The following CATSPERB variants were observed in gnomAD, a reference collection of about 807,000 sequenced individuals.
CATSPERB encodes cation channel sperm-associated auxiliary subunit beta.
CATSPERB carries 93 observed loss-of-function variants against 128.3 expected under a neutral mutation model. That is an observed-to-expected ratio of 0.72 (90% CI 0.61 to 0.86). CATSPERB has a LOEUF of 0.86. Ranked by LOEUF, CATSPERB falls within the 40% of genes least tolerant of loss-of-function variation. CATSPERB has a pLI of 0.00. For synonymous variants in CATSPERB, 381 were observed against 448.8 expected (o/e 0.85, Z 1.91); for missense variants, 1,153 against 1,329.5 (o/e 0.87, Z 2.06).
At chr14:91,617,250 T>A (rs1292204714) in intron 20 of CATSPERB, among the ~76,000 whole-genome samples, 1 of 152,218 alleles carries the variant, frequency 6.6e-6, no homozygotes, top group Non-Finnish European at 1.5e-5. Flanking sequence ...AAGATTTCAC[T>A]GTGTTTTGGT....
chr14:91,605,594 A>G (rs149160421), intron 22 of CATSPERB, among the ~76,000 whole-genome samples: 20 of 152,264 alleles, frequency 1.3e-4, no homozygotes, highest in African/African-American at 3.6e-4. Flanking sequence ...GCTGTCCCCA[A>G]ACTCTTTCGC....
chr14:91,675,044 G>A (rs1274014088), intron 11 of CATSPERB, among the ~76,000 whole-genome samples: 1 of 152,198 alleles, frequency 6.6e-6, no homozygotes, highest in East Asian at 1.9e-4. Flanking sequence ...TCTCATCCTT[G>A]TTCATTTGGC....
At position 91,683,961 on chromosome 14, in the gene CATSPERB, AT is replaced by A; in HGVS notation, c.865-19del. The A allele has an allele frequency of 1.3e-6, 2 of 1,515,992 alleles. No homozygotes were observed. Among genetic ancestry groups the A allele is most frequent in the Non-Finnish European group, 1.8e-6 (2 of 1,103,752 alleles). The allele number at this position is 1,515,992 out of a possible 1,614,324, so 93.9% of individuals were successfully genotyped here. A position where few individuals can be genotyped will look rare whatever the true frequency, so the allele number is the denominator to read the frequency against. On this transcript the variant is annotated intron_variant, in intron 10 of 26. Coordinates refer to ENST00000256343, the MANE Select transcript of CATSPERB (RefSeq NM_024764.4). ...TAGTCAACCTACATAAATAAATAAA[AT>A]ATCACTTAGCCAATATGTAGACTTA... is the stretch of plus-strand genomic sequence containing the variant.
intron 7 of CATSPERB, among the ~76,000 whole-genome samples, chr14:91,694,527 G>GA (rs1416819257): frequency 6.7e-6 from 1 of 150,338 alleles, no homozygotes. Flanking sequence ...GAGAACAGAG[G>GA]AAAATTTTTC....
intron 5 of CATSPERB, among the ~76,000 whole-genome samples, chr14:91,718,468 T>C (rs1242830174): frequency 1.3e-5 from 2 of 152,164 alleles, no homozygotes; most frequent in South Asian, 2.1e-4. Flanking sequence ...GGTTGGCCTG[T>C]ATGGTTCCCC....
At chr14:91,717,789 T>C (rs1313936822) in intron 5 of CATSPERB, among the ~76,000 whole-genome samples, 1 of 152,188 alleles carries the variant, frequency 6.6e-6, no homozygotes, top group Non-Finnish European at 1.5e-5. Flanking sequence ...GTAAATAAAG[T>C]ATGATTAAGG....
At chr14:91,672,786 G>T in intron 13 of CATSPERB, 81 bp downstream of exon 13, 1 of 1,157,362 alleles carries the variant, frequency 8.6e-7, no homozygotes, top group Non-Finnish European at 1.2e-6. Context: ...GACATAACAA[G>T]AACTTGAAAA....
At chr14:91,616,971 C>T (rs1380228313) in intron 20 of CATSPERB, among the ~76,000 whole-genome samples, 3 of 151,810 alleles carry the variant, frequency 2.0e-5, no homozygotes, top group Admixed American at 6.6e-5. Flanking sequence ...CTTGAACTGC[C>T]GACCTCAGGT....
At chr14:91,671,483 G>T (rs1419862756) in intron 13 of CATSPERB, among the ~76,000 whole-genome samples, 1 of 151,910 alleles carries the variant, frequency 6.6e-6, no homozygotes. Context: ...GCTATGGCAG[G>T]AGAATCGCTT....
intron 7 of CATSPERB, among the ~76,000 whole-genome samples, chr14:91,700,588 C>CTGGA (rs1219614795): frequency 6.6e-6 from 1 of 152,000 alleles, no homozygotes; most frequent in Non-Finnish European, 1.5e-5. Flanking sequence ...GACCTAAGTA[C>CTGGA]TCATCAATGG....
intron 15 of CATSPERB, among the ~76,000 whole-genome samples, chr14:91,649,351 G>A (rs910824811): frequency 2.0e-5 from 3 of 151,436 alleles, no homozygotes; most frequent in African/African-American, 7.3e-5. Flanking sequence ...GTGTGTGTGT[G>A]TGTGTGTGTG....
At chr14:91,686,022 C>CT (rs1158343871) in intron 10 of CATSPERB, among the ~76,000 whole-genome samples, 26 of 152,280 alleles carry the variant, frequency 1.7e-4, no homozygotes, top group African/African-American at 6.0e-4. Context: ...CTTATACTTC[C>CT]TATTACCTTT....
chr14:91,726,750 A>G (rs561687328), intron 2 of CATSPERB, among the ~76,000 whole-genome samples: 46 of 152,366 alleles, frequency 3.0e-4, no homozygotes, highest in African/African-American at 1.1e-3. Context: ...TCAAGAGCCC[A>G]GAGATCAAGG....
chr14:91,593,071 G>A (rs1274869533), intron 22 of CATSPERB, among the ~76,000 whole-genome samples: 1 of 152,210 alleles, frequency 6.6e-6, no homozygotes, highest in Non-Finnish European at 1.5e-5. Context: ...TTGAGCCTGT[G>A]GGTGCACAGA....
At chr14:91,704,850 T>C in intron 6 of CATSPERB, 149 bp from the exon 7 acceptor site, 1 of 733,288 alleles carries the variant, frequency 1.4e-6, no homozygotes, top group Non-Finnish European at 2.2e-6. Context: ...TGGTTAAAAA[T>C]CAGTCAGTGA....
At chr14:91,672,765 T>G in intron 13 of CATSPERB, 102 bp downstream of exon 13, 1 of 909,770 alleles carries the variant, frequency 1.1e-6, no homozygotes, top group Non-Finnish European at 1.6e-6. Flanking sequence ...ATTTTATAGG[T>G]TCTATTGCCA....
At chr14:91,706,648 T>C (rs978374549) in intron 6 of CATSPERB, among the ~76,000 whole-genome samples, 32 of 152,158 alleles carry the variant, frequency 2.1e-4, no homozygotes, top group African/African-American at 7.7e-4. Flanking sequence ...GGTTTTACAC[T>C]CTCTTTTGAG....
At chr14:91,598,301 T>C (rs1893544956) in intron 22 of CATSPERB, among the ~76,000 whole-genome samples, 2 of 152,026 alleles carry the variant, frequency 1.3e-5, no homozygotes, top group Non-Finnish European at 2.9e-5. Flanking sequence ...GTTCACTTTT[T>C]TTTTAAAAGG....
intron 17 of CATSPERB, among the ~76,000 whole-genome samples, chr14:91,633,664 G>A (rs1046908544): frequency 1.3e-5 from 2 of 151,800 alleles, no homozygotes; most frequent in African/African-American, 2.4e-5. Flanking sequence ...AATTTACAAC[G>A]TTAAATAAAA....
Sources: allele counts gnomAD v4.1 joint callset (sites outside exome capture counted in the v4.1 genomes callset), GRCh38; gene constraint gnomAD v4.1.1; transcripts MANE v1.5; gene names NCBI Gene and HGNC (gene_info 2026-07-23, HGNC 2026-07-21).